Variants in RBFOX1 observed in about 807,000 individuals in gnomAD.
The protein encoded by RBFOX1 is RNA binding fox-1 homolog 1, also known as RNA binding protein fox-1 homolog 1.
RBFOX1 carries 8 observed loss-of-function variants against 57.7 expected under a neutral mutation model. The ratio of observed to expected loss-of-function variants is 0.14; its 90% CI spans 0.08 to 0.25. The LOEUF (loss-of-function observed/expected upper bound fraction) is 0.25, where lower values mean the gene tolerates loss of function less well. RBFOX1 is among the 10% of genes least tolerant of loss of function. The pLI, the probability that RBFOX1 is intolerant of heterozygous loss-of-function variation, is 1.00. For synonymous variants in RBFOX1, 326 were observed against 222.4 expected (o/e 1.47, Z -4.15); for missense variants, 611 against 548.5 (o/e 1.11, Z -1.14).
intron 3 of RBFOX1, among the ~76,000 whole-genome samples, chr16:6,847,089 G>A (rs1221569524): frequency 6.6e-6 from 1 of 152,102 alleles, no homozygotes; most frequent in African/African-American, 2.4e-5. Context: ...CCTTCCCAGA[G>A]AACTTTATCT....
At chr16:5,814,400 C>T (rs543926978) in intron 3 of RBFOX1, among the ~76,000 whole-genome samples, 14 of 152,270 alleles carry the variant, frequency 9.2e-5, no homozygotes, top group Admixed American at 1.3e-4. Flanking sequence ...CCAACTTTTT[C>T]CCTCTTCCGA....
intron 4 of RBFOX1, among the ~76,000 whole-genome samples, chr16:7,387,232 T>C (rs936203727): frequency 6.6e-6 from 1 of 152,198 alleles, no homozygotes; most frequent in Non-Finnish European, 1.5e-5. Flanking sequence ...GCAAAGTACC[T>C]ACCATGCATT....
chr16:7,429,127 G>A (rs962548944), intron 4 of RBFOX1, among the ~76,000 whole-genome samples: 3 of 152,160 alleles, frequency 2.0e-5, no homozygotes, highest in Admixed American at 1.3e-4. Context: ...GCGGCATAAG[G>A]CTTTTCTGAC....
intron 1 of RBFOX1, among the ~76,000 whole-genome samples, chr16:6,074,067 G>T (rs1020600466): frequency 6.6e-6 from 1 of 152,066 alleles, no homozygotes; most frequent in Non-Finnish European, 1.5e-5. Flanking sequence ...TCCTGCCTCA[G>T]CCTCCCGAGT....
intron 5 of RBFOX1, among the ~76,000 whole-genome samples, chr16:7,531,613 A>G (rs1022858348): frequency 6.6e-6 from 1 of 152,184 alleles, no homozygotes; most frequent in Non-Finnish European, 1.5e-5. Flanking sequence ...TGTGTATTTC[A>G]TTGACATAAC....
chr16:7,106,572 C>G (rs2063621582), intron 4 of RBFOX1, among the ~76,000 whole-genome samples: 1 of 152,028 alleles, frequency 6.6e-6, no homozygotes, highest in Non-Finnish European at 1.5e-5. Context: ...TGCTTAGGGA[C>G]TTCTTTTTAA....
At chr16:6,049,663 C>A (rs569787385) in intron 1 of RBFOX1, among the ~76,000 whole-genome samples, 15 of 152,138 alleles carry the variant, frequency 9.9e-5, no homozygotes, top group African/African-American at 3.6e-4. Context: ...CCAATTTTTT[C>A]AAAAATGTCA....
intron 2 of RBFOX1, among the ~76,000 whole-genome samples, chr16:6,517,345 T>C (rs983135931): frequency 1.8e-4 from 27 of 152,212 alleles, no homozygotes; most frequent in Non-Finnish European, 2.9e-5. Context: ...CTGATCCGAA[T>C]ACATCTGTGT....
intron 4 of RBFOX1, among the ~76,000 whole-genome samples, chr16:7,399,471 TA>T (rs763495492): frequency 6.6e-6 from 1 of 151,988 alleles, no homozygotes; most frequent in Non-Finnish European, 1.5e-5. Flanking sequence ...AATGAATAAA[TA>T]AATAAAAATA....
intron 1 of RBFOX1, among the ~76,000 whole-genome samples, chr16:5,364,353 G>A (rs1209275455): frequency 1.3e-5 from 2 of 152,180 alleles, no homozygotes. Flanking sequence ...TGACTTAAAA[G>A]CTGTTGTGCA....
In RBFOX1 at chr16:7,138,069, C is replaced by G. The variant is rs73544709; in HGVS notation, c.27+85971C>G. On this transcript the variant is annotated intron_variant, in intron 4 of 15. Transcript: ENST00000550418. ...TTTAGTCACCATCTTAAGAATGAAGCAATGTTTGGAGAGAATGGTGACTCA... is the reference window on the plus strand; with the variant it reads ...TTTAGTCACCATCTTAAGAATGAAGGAATGTTTGGAGAGAATGGTGACTCA... Among the ~76,000 whole-genome samples the G allele has an allele frequency of 7.2e-3, 1,089 of 152,202 alleles. 17 individuals carry two copies. Among genetic ancestry groups the G allele is most frequent in the African/African-American group, 0.025 (1,035 of 41,506 alleles).
intron 3 of RBFOX1, among the ~76,000 whole-genome samples, chr16:6,860,926 C>T (rs1053316162): frequency 6.6e-6 from 1 of 151,836 alleles, no homozygotes; most frequent in South Asian, 2.1e-4. Flanking sequence ...TGAATGTGCC[C>T]AAAAATATAT....
chr16:6,853,950 C>G (rs1224039295), intron 3 of RBFOX1, among the ~76,000 whole-genome samples: 1 of 152,088 alleles, frequency 6.6e-6, no homozygotes, highest in East Asian at 1.9e-4. Flanking sequence ...GTCTAGGTAA[C>G]TTTTATTTTT....
At chr16:6,902,542 T>G (rs1310883623) in intron 3 of RBFOX1, among the ~76,000 whole-genome samples, 1 of 152,074 alleles carries the variant, frequency 6.6e-6, no homozygotes, top group Admixed American at 6.5e-5. Flanking sequence ...ACCAACATGG[T>G]AATGCCCTGT....
intron 4 of RBFOX1, among the ~76,000 whole-genome samples, chr16:7,316,526 A>C (rs2096442854): frequency 2.0e-5 from 3 of 152,202 alleles, no homozygotes; most frequent in African/African-American, 7.2e-5. Context: ...TGGGTTGGTC[A>C]TTGAAGGGAT....
At chr16:5,908,104 A>T (rs1305184321) in intron 4 of RBFOX1, among the ~76,000 whole-genome samples, 2 of 138,438 alleles carry the variant, frequency 1.4e-5, no homozygotes, top group Non-Finnish European at 3.0e-5. Context: ...ATACACATAT[A>T]TATATACACA....
chr16:6,944,727 C>T (rs754576810), intron 3 of RBFOX1, among the ~76,000 whole-genome samples: 1 of 152,140 alleles, frequency 6.6e-6, no homozygotes, highest in South Asian at 2.1e-4. Context: ...CTTTCTGCCC[C>T]TTGACATACA....
At chr16:5,588,282 T>TCA (rs1462240751) in intron 2 of RBFOX1, among the ~76,000 whole-genome samples, 5 of 152,116 alleles carry the variant, frequency 3.3e-5, no homozygotes, top group Non-Finnish European at 5.9e-5. Context: ...GCAACGATGG[T>TCA]CACACACACC....
At chr16:6,812,129 C>A (rs978008928) in intron 3 of RBFOX1, among the ~76,000 whole-genome samples, 1 of 152,136 alleles carries the variant, frequency 6.6e-6, no homozygotes, top group Non-Finnish European at 1.5e-5. Context: ...ACTACCAAAG[C>A]AAAATCGTTT....
Sources: gnomAD v4.1 joint callset for allele counts (sites outside exome capture counted in the v4.1 genomes callset) on GRCh38, gnomAD v4.1.1 for gene constraint, MANE v1.5 for transcripts, NCBI Gene and HGNC (gene_info 2026-07-23, HGNC 2026-07-21) for gene names.